Variants in TCF12 observed in about 807,000 individuals in gnomAD.
TCF12 encodes the protein transcription factor 12, also known as DNA-binding protein HTF4.
In TCF12, 45 loss-of-function variants were observed where a neutral mutation model predicts 86.0. The ratio of observed to expected loss-of-function variants is 0.52; its 90% CI spans 0.41 to 0.67. The LOEUF is 0.67. Among genes scored for constraint, TCF12 ranks in the 30% least tolerant of loss-of-function variants. The probability of loss-of-function intolerance (pLI) is 0.00; values close to 1 mark genes in which losing one functional copy is unlikely to be tolerated. For synonymous variants in TCF12, 330 were observed against 299.6 expected, an observed-to-expected ratio of 1.10 and a Z score of -1.05; for missense variants, 881 against 859.9, an observed-to-expected ratio of 1.02 and a Z score of -0.31.
At chr15:57,141,298 C>T (rs758933508) in intron 5 of TCF12, among the ~76,000 whole-genome samples, 11 of 152,230 alleles carry the variant, frequency 7.2e-5, no homozygotes, top group Non-Finnish European at 1.5e-4. Context: ...ACAGGAAACA[C>T]TCTTCAGTGA....
At chr15:57,143,607 T>A (rs2053149005) in intron 5 of TCF12, among the ~76,000 whole-genome samples, 1 of 152,200 alleles carries the variant, frequency 6.6e-6, no homozygotes, top group Non-Finnish European at 1.5e-5. Flanking sequence ...TTGTAGGTTT[T>A]CTGACTGGGG....
intron 5 of TCF12, among the ~76,000 whole-genome samples, chr15:57,162,697 C>T (rs2054584770): frequency 6.6e-6 from 1 of 152,052 alleles, no homozygotes. Flanking sequence ...AAGTTTAAAA[C>T]TTTAGGTTTT....
rs1184422578 is a variant in TCF12, at chr15:57,208,380, C to CTTTTTTTTTTTTTTTTTTTTTTTTTTT, written c.579+10574_579+10575insTTTTTTTTTTTTTTTTTTTTTTTTTTT. On this transcript the variant is annotated intron_variant, in intron 8 of 20. Coordinates refer to ENST00000333725, the MANE Select transcript of TCF12 (RefSeq NM_207037.2). Reference sequence around the variant, plus strand: ...ACCTTGTTCTTTGGACAAAAATATCCTTTTTTTTTTTTTTTTTTTGGAGAC... The same window carrying CTTTTTTTTTTTTTTTTTTTTTTTTTTT: ...ACCTTGTTCTTTGGACAAAAATATCCTTTTTTTTTTTTTTTTTTTTTTTTTTTTTTTTTTTTTTTTTTTTTTGGAGAC... Among the ~76,000 whole-genome samples, 9 of 65,590 alleles carry CTTTTTTTTTTTTTTTTTTTTTTTTTTT rather than the reference C, an allele frequency of 1.4e-4. 1 individual carries two copies. The highest frequency in any genetic ancestry group is 4.7e-4 in the African/African-American group (7 of 14,846). 43.0% of individuals were successfully genotyped at this position (65,590 alleles called of 152,430 possible). A position where few individuals can be genotyped will look rare whatever the true frequency, so the allele number is the denominator to read the frequency against.
chr15:57,182,514 T>C (rs1329251731), intron 6 of TCF12, among the ~76,000 whole-genome samples: 1 of 152,184 alleles, frequency 6.6e-6, no homozygotes, highest in Non-Finnish European at 1.5e-5. Flanking sequence ...AATATGGTCT[T>C]GTATTCTTAA....
At chr15:57,043,955 TCTTG>T (rs1210109108) in intron 3 of TCF12, among the ~76,000 whole-genome samples, 5 of 152,186 alleles carry the variant, frequency 3.3e-5, no homozygotes, top group Admixed American at 6.5e-5. Context: ...TTTTTTTTTA[TCTTG>T]CTTTTTTACC....
At chr15:57,025,374 C>T (rs2065764433) in intron 3 of TCF12, among the ~76,000 whole-genome samples, 1 of 152,166 alleles carries the variant, frequency 6.6e-6, no homozygotes, top group South Asian at 2.1e-4. Context: ...GCCACCGCCC[C>T]CAGCCTGTGC....
rs56221122 is a variant in TCF12 at position 56,984,249 on chromosome 15, GGTGTGTGT to G, written c.148+63189_148+63196del. On this transcript the variant is annotated intron_variant, in intron 3 of 20. Coordinates refer to ENST00000333725, the MANE Select transcript of TCF12 (RefSeq NM_207037.2). ...ACAAATTTAGGAAAAGCATGTGCAT[GGTGTGTGT>G]GTGTGTGTGTGTGTGTGTGTGTGTG... Among the ~76,000 whole-genome samples, 495 of 123,068 alleles carry G rather than the reference GGTGTGTGT, an allele frequency of 4.0e-3. 4 individuals are homozygous for G. The highest frequency in any genetic ancestry group is 0.012 in the African/African-American group (392 of 32,590). The allele number at this position is 123,068 out of a possible 152,430, so 80.7% of individuals were successfully genotyped here. A position where few individuals can be genotyped will look rare whatever the true frequency, so the allele number is the denominator to read the frequency against.
At chr15:57,138,067 T>C (rs1313690650) in intron 5 of TCF12, among the ~76,000 whole-genome samples, 1 of 152,130 alleles carries the variant, frequency 6.6e-6, no homozygotes, top group Non-Finnish European at 1.5e-5. Context: ...CCACCAGTTC[T>C]ACTTGTTCTT....
At chr15:57,074,279 A>C (rs1180193863) in intron 4 of TCF12, among the ~76,000 whole-genome samples, 1 of 150,248 alleles carries the variant, frequency 6.7e-6, no homozygotes, top group African/African-American at 2.5e-5. Flanking sequence ...AGGAAGTTTT[A>C]TACAGTATTT....
intron 4 of TCF12, among the ~76,000 whole-genome samples, chr15:57,075,832 CTCTTTT>C (rs2069927504): frequency 1.8e-5 from 1 of 56,060 alleles, no homozygotes; most frequent in Non-Finnish European, 3.5e-5. Flanking sequence ...CTCTCTCTCT[CTCTTTT>C]CTTTCTTTCT....
At chr15:56,938,807 AT>A (rs1257450542) in intron 3 of TCF12, among the ~76,000 whole-genome samples, 3 of 152,116 alleles carry the variant, frequency 2.0e-5, no homozygotes, top group Non-Finnish European at 4.4e-5. Flanking sequence ...GCTTCCACAT[AT>A]GAATTTTGAG....
chr15:57,279,516 G>A (rs1360637908), intron 19 of TCF12, among the ~76,000 whole-genome samples: 1 of 152,202 alleles, frequency 6.6e-6, no homozygotes, highest in Admixed American at 6.5e-5. Context: ...AGGTATGAAA[G>A]AGTAGCCTTA....
intron 3 of TCF12, among the ~76,000 whole-genome samples, chr15:57,012,227 T>A (rs2064875513): frequency 1.3e-5 from 2 of 152,180 alleles, no homozygotes; most frequent in Non-Finnish European, 2.9e-5. Context: ...TATACTACAT[T>A]AATATATATA....
intron 5 of TCF12, among the ~76,000 whole-genome samples, chr15:57,115,946 C>G (rs1399268593): frequency 6.6e-6 from 1 of 152,098 alleles, no homozygotes; most frequent in Non-Finnish European, 1.5e-5. Context: ...GGAAAAAATG[C>G]CTTTTTCCTT....
chr15:57,121,869 T>C (rs1287458042), intron 5 of TCF12, among the ~76,000 whole-genome samples: 1 of 152,242 alleles, frequency 6.6e-6, no homozygotes, highest in Non-Finnish European at 1.5e-5. Context: ...CCTGGAATTC[T>C]TGGGGAAGAT....
At chr15:57,157,082 C>G (rs2054161848) in intron 5 of TCF12, among the ~76,000 whole-genome samples, 1 of 152,148 alleles carries the variant, frequency 6.6e-6, no homozygotes, top group Non-Finnish European at 1.5e-5. Context: ...GTGATTGTTA[C>G]TTGACTTTCT....
chr15:56,979,259 A>G (rs1361275906), intron 3 of TCF12, among the ~76,000 whole-genome samples: 3 of 152,194 alleles, frequency 2.0e-5, no homozygotes, highest in African/African-American at 7.2e-5. Flanking sequence ...TGTACCCATA[A>G]TGTTATTTGA....
intron 8 of TCF12, among the ~76,000 whole-genome samples, chr15:57,218,649 G>C (rs2058436887): frequency 6.6e-6 from 1 of 152,164 alleles, no homozygotes; most frequent in Admixed American, 6.5e-5. Flanking sequence ...TGAAAGATGT[G>C]TGAATTTTTT....
At chr15:57,165,161 T>C (rs1384126458) in intron 5 of TCF12, among the ~76,000 whole-genome samples, 3 of 150,310 alleles carry the variant, frequency 2.0e-5, no homozygotes, top group African/African-American at 4.9e-5. Flanking sequence ...TGTGTGTGTG[T>C]GTGCGTACAC....
Sources: allele counts gnomAD v4.1 joint callset (sites outside exome capture counted in the v4.1 genomes callset), GRCh38; gene constraint gnomAD v4.1.1; transcripts MANE v1.5; gene names NCBI Gene and HGNC (gene_info 2026-07-23, HGNC 2026-07-21).